BMP2K: variants seen among roughly 807,000 people sequenced by gnomAD.
BMP2K encodes BMP-2-inducible protein kinase.
Under a neutral mutation model 116.0 loss-of-function variants are expected in BMP2K, and 74 were observed. The observed-to-expected ratio is 0.64, with a 90% CI of 0.53 to 0.77. The LOEUF (loss-of-function observed/expected upper bound fraction) is 0.77. BMP2K is among the 30% of genes least tolerant of loss of function. The pLI is 0.00. For missense variants in BMP2K, 1,365 were observed against 1,403.6 expected (o/e 0.97, Z 0.44); for synonymous variants, 486 against 502.5 (o/e 0.97, Z 0.44).
chr4:78,862,235 G>GA (rs931744865), intron 9 of BMP2K, among the ~76,000 whole-genome samples: 5 of 150,286 alleles, frequency 3.3e-5, no homozygotes, highest in Admixed American at 1.3e-4. Flanking sequence ...TAAACACAAA[G>GA]AAAAAAAAAG....
Position 78,865,616 on chromosome 4 carries a change from C to G in BMP2K, c.1127C>G (p.Ala376Gly), listed in dbSNP as rs371583676. ...ATTGCACCAAGACAAAGACCAAAGGCCAACTCTGCTACTACTGCCACTCCC... is the reference window on the plus strand; with the variant it reads ...ATTGCACCAAGACAAAGACCAAAGGGCAACTCTGCTACTACTGCCACTCCC... ...TSIAPRQRPK[A>G]NSATTATPSV... Residue 376 changes from alanine (A) to glycine (G), a missense_variant, in exon 10 of 16, where the codon GCC (alanine) becomes GGC (glycine). This residue lies in a region of BMP2K where 762 missense variants were observed against 756.7 expected (regional missense o/e 1.01). Transcript: ENST00000502613. The G allele has an allele frequency of 6.2e-7, 1 of 1,614,098 alleles. No homozygotes were observed. The highest frequency in any genetic ancestry group is 8.5e-7 in the Non-Finnish European group (1 of 1,179,994).
rs1553919141 is a variant in BMP2K at position 78,870,970 on chromosome 4, G to GCAA, written c.1421_1422insACA (p.Gln486dup). On this transcript the variant is annotated inframe_insertion, in exon 11 of 16. Transcript: ENST00000502613. ...AGCAGCAGCAACAGCAACAGCAGCA[G>GCAA]CAGCAACAGCAACAGCAGCAGCAGC... 2.5e-6 allele frequency: 4 copies of GCAA among 1,610,574 alleles called. No homozygotes were observed. The highest frequency in any genetic ancestry group is 3.4e-6 in the Non-Finnish European group (4 of 1,179,062).
chr4:78,893,301 A>G (rs1228261665), intron 15 of BMP2K, among the ~76,000 whole-genome samples: 1 of 152,136 alleles, frequency 6.6e-6, no homozygotes, highest in African/African-American at 2.4e-5. Flanking sequence ...TTTAGGTTCT[A>G]TTTCTAGTTC....
intron 13 of BMP2K, among the ~76,000 whole-genome samples, chr4:78,877,758 A>G (rs1327063600): frequency 6.6e-6 from 1 of 152,250 alleles, no homozygotes; most frequent in Non-Finnish European, 1.5e-5. Flanking sequence ...ATACTTTTAT[A>G]CAACTGGCAG....
At chr4:78,903,701 A>C (rs901066658) in intron 15 of BMP2K, among the ~76,000 whole-genome samples, 1 of 151,930 alleles carries the variant, frequency 6.6e-6, no homozygotes, top group African/African-American at 2.4e-5. Context: ...ATTAAAAAAA[A>C]TTTTTAATAC....
Position 78,870,801 on chromosome 4 carries a change from A to C in BMP2K, c.1250A>C (p.Asn417Thr). 1 of 1,613,894 alleles carries C rather than the reference A, an allele frequency of 6.2e-7. No individual in the cohort carries two copies. The highest frequency in any genetic ancestry group is 8.5e-7 in the Non-Finnish European group (1 of 1,179,804). ...HRPKGALRPG[N>T]GPEILLGQGP... ...TCTTTAGGGGCACTAAGACCTGGAA[A>C]TGGCCCTGAAATTTTATTGGGTCAG... Residue 417 changes from asparagine to threonine, a missense_variant, in exon 11 of 16, where the codon AAT (asparagine) becomes ACT (threonine). Asn to Thr is a moderately conservative substitution (Grantham distance 65). This residue lies in a region of BMP2K where 762 missense variants were observed against 756.7 expected (regional missense o/e 1.01). Transcript: ENST00000502613.
intron 7 of BMP2K, among the ~76,000 whole-genome samples, 173 bp downstream of exon 7, chr4:78,851,229 C>G (rs1388341255): frequency 2.0e-5 from 3 of 151,928 alleles, no homozygotes. Flanking sequence ...AGAATGAAAG[C>G]AACCTAATTA....
chr4:78,777,899 A>G (rs1188847992), intron 1 of BMP2K, among the ~76,000 whole-genome samples: 1 of 152,240 alleles, frequency 6.6e-6, no homozygotes. Flanking sequence ...TGTTTCGTGA[A>G]CCATTGCTCA....
At chr4:78,785,210 A>G (rs1036667112) in intron 1 of BMP2K, among the ~76,000 whole-genome samples, 2 of 152,110 alleles carry the variant, frequency 1.3e-5, no homozygotes, top group East Asian at 3.8e-4. Flanking sequence ...TCCTGGGTTC[A>G]AGTGATTCTC....
intron 15 of BMP2K, among the ~76,000 whole-genome samples, chr4:78,892,119 G>A (rs1733472094): frequency 2.0e-5 from 3 of 152,098 alleles, no homozygotes; most frequent in Non-Finnish European, 4.4e-5. Context: ...AAATGAGTTG[G>A]GAAATGTTAC....
chr4:78,808,495 T>C (rs1221695004), intron 1 of BMP2K, among the ~76,000 whole-genome samples: 8 of 152,072 alleles, frequency 5.3e-5, no homozygotes, highest in Non-Finnish European at 1.2e-4. Flanking sequence ...CTCAATCTCC[T>C]GACCTTGTGA....
intron 1 of BMP2K, among the ~76,000 whole-genome samples, chr4:78,822,170 G>A (rs768407388): frequency 1.3e-4 from 19 of 151,842 alleles, no homozygotes; most frequent in Non-Finnish European, 2.5e-4. Context: ...AGATTAGATG[G>A]AGGATTGTCC....
chr4:78,791,429 T>A (rs966319164), intron 1 of BMP2K, among the ~76,000 whole-genome samples: 1 of 152,208 alleles, frequency 6.6e-6, no homozygotes, highest in African/African-American at 2.4e-5. Context: ...AGTACATTTC[T>A]TTTCTTTTTT....
intron 3 of BMP2K, among the ~76,000 whole-genome samples, chr4:78,834,933 A>G (rs1231209232): frequency 1.3e-5 from 2 of 152,216 alleles, no homozygotes; most frequent in African/African-American, 2.4e-5. Context: ...CTTCTCTACT[A>G]TAAAGTACTG....
chr4:78,904,551 C>A lies in BMP2K; in HGVS notation c.2063-6059C>A, dbSNP rs146494822. ...TCATTGCTGTTCTTAATAAATTACC[C>A]AGATCTGCATTGTCTTAGTCACTCA... On this transcript the variant is annotated intron_variant, in intron 15 of 15. Transcript: ENST00000502613. Among the ~76,000 whole-genome samples the A allele has an allele frequency of 2.9e-3, 448 of 151,970 alleles. 2 individuals carry two copies. Among genetic ancestry groups the A allele is most frequent in the Non-Finnish European group, 4.7e-3 (317 of 67,786 alleles).
At chr4:78,820,102 T>C (rs1729542275) in intron 1 of BMP2K, among the ~76,000 whole-genome samples, 1 of 152,200 alleles carries the variant, frequency 6.6e-6, no homozygotes, top group Non-Finnish European at 1.5e-5. Context: ...AATGGAGAAA[T>C]CTTGAAGCAA....
intron 7 of BMP2K, among the ~76,000 whole-genome samples, chr4:78,853,396 A>G (rs1731350566): frequency 6.6e-6 from 1 of 152,156 alleles, no homozygotes; most frequent in Admixed American, 6.6e-5. Flanking sequence ...TCAAATATTT[A>G]GAACTTTTCT....
intron 1 of BMP2K, among the ~76,000 whole-genome samples, chr4:78,822,747 A>C (rs1232354561): frequency 6.6e-6 from 1 of 152,172 alleles, no homozygotes. Flanking sequence ...ATTTGTGTAC[A>C]GAAATTTGTG....
At chr4:78,879,059 G>A in intron 14 of BMP2K, 168 bp downstream of exon 14, 3 of 1,376,482 alleles carry the variant, frequency 2.2e-6, no homozygotes, top group Non-Finnish European at 2.8e-6. Context: ...TATGTTGTGT[G>A]CATTAGAAAT....
Sources: allele counts gnomAD v4.1 joint callset (sites outside exome capture counted in the v4.1 genomes callset), GRCh38; gene constraint gnomAD v4.1.1; regional missense constraint gnomAD v4.1.1; transcripts MANE v1.5; gene names NCBI Gene and HGNC (gene_info 2026-07-23, HGNC 2026-07-21).